The following OR10H5 variants were observed in gnomAD, a reference collection of about 807,000 sequenced individuals.
The protein encoded by OR10H5 is olfactory receptor family 10 subfamily H member 5.
In OR10H5, 7 loss-of-function variants were observed where a neutral mutation model predicts 12.2. That is an observed-to-expected ratio of 0.57 (90% CI 0.33 to 1.07). The LOEUF is 1.07. Among genes scored for constraint, OR10H5 ranks in the 50% least tolerant of loss-of-function variants. The pLI is 0.04. For synonymous variants in OR10H5, 159 were observed against 175.1 expected, an observed-to-expected ratio of 0.91 and a Z score of 0.73; for missense variants, 346 against 411.6, an observed-to-expected ratio of 0.84 and a Z score of 1.38.
chr19:15,794,657 G>A lies in OR10H5; in HGVS notation c.609G>A (p.Val203=). Residue 203 remains valine (V), a synonymous_variant, in exon 2 of 2, where the codon GTG becomes GTA. Transcript: ENST00000642092. ...TGGTGGCCAAAGGCGTGGGCTTGGTGTGTATCACGGCCCTGCTGGGCTGTT... is the reference window on the plus strand; with the variant it reads ...TGGTGGCCAAAGGCGTGGGCTTGGTATGTATCACGGCCCTGCTGGGCTGTT... ...VLVVAKGVGL[V]CITALLGCFL... 1 of 1,614,174 alleles carries A rather than the reference G, an allele frequency of 6.2e-7. No homozygotes were observed.
In OR10H5 at chr19:15,795,117, T is replaced by C. The variant is rs1450922590; in HGVS notation, c.*121T>C. On this transcript the variant is annotated 3_prime_UTR_variant, in exon 2 of 2. Coordinates refer to ENST00000642092, the MANE Select transcript of OR10H5 (RefSeq NM_001004466.2). ...TCCCTCCCTTCCTTCCTTCTTTCCT[T>C]CCTCCCTCCCTCCTTTCCTCCCTCC... 4.8e-6 allele frequency: 4 copies of C among 831,044 alleles called. No individual in the cohort carries two copies. The highest frequency in any genetic ancestry group is 2.0e-5 in the African/African-American group (1 of 49,052). 51.5% of individuals were successfully genotyped at this position (831,044 alleles called of 1,614,324 possible).
chr19:15,789,165 G>T (rs1362943092), intron 1 of OR10H5, among the ~76,000 whole-genome samples: 2 of 152,162 alleles, frequency 1.3e-5, no homozygotes, highest in African/African-American at 2.4e-5. Context: ...ACATGGAATG[G>T]CTGTGTGTCT....
rs540780228 is a variant in OR10H5 at position 15,799,720 on chromosome 19, A to G, written c.*4724A>G. Reference sequence around the variant, plus strand: ...CTTTTTTTTTTTTTGAGAGAGAGAGAGAGAGAGAAATAAGATCTCACTCTG... The same window carrying G: ...CTTTTTTTTTTTTTGAGAGAGAGAGGGAGAGAGAAATAAGATCTCACTCTG... On this transcript the variant is annotated 3_prime_UTR_variant, in exon 2 of 2. Transcript: ENST00000642092. The G allele has an allele frequency of 1.1e-3, 159 of 148,988 alleles. No homozygotes were observed. Among genetic ancestry groups the G allele is most frequent in the African/African-American group, 3.8e-3 (153 of 40,354 alleles). The allele number at this position is 148,988 out of a possible 1,614,324, so 9.2% of individuals were successfully genotyped here. A position where few individuals can be genotyped will look rare whatever the true frequency, so the allele number is the denominator to read the frequency against.
At position 15,794,312 on chromosome 19, in the gene OR10H5, C is replaced by A. The variant is rs962020632; in HGVS notation, c.264C>A (p.Thr88=). Residue 88 remains threonine, a synonymous_variant, in exon 2 of 2, where the codon ACC becomes ACA. Coordinates refer to ENST00000642092, the MANE Select transcript of OR10H5 (RefSeq NM_001004466.2). ...GCATGCTGGCCGACCTGCTGTCCAC[C>A]CAGCGCTCCATCGCCTTCCTGGCCT... The part of the protein sequence containing the change: ...IPRMLADLLS[T]QRSIAFLACA... The A allele has an allele frequency of 6.2e-7, 1 of 1,614,146 alleles. No individual in the cohort carries two copies. The highest frequency in any genetic ancestry group is 8.5e-7 in the Non-Finnish European group (1 of 1,180,006).
rs1429511688 is a variant in OR10H5, at chr19:15,796,657, G to C, written c.*1661G>C. 6.6e-6 allele frequency: 1 copy of C among 152,182 alleles called. No individual in the cohort carries two copies. Among genetic ancestry groups the C allele is most frequent in the Admixed American group, 6.6e-5 (1 of 15,266 alleles). 9.4% of individuals were successfully genotyped at this position (152,182 alleles called of 1,614,324 possible). A position where few individuals can be genotyped will look rare whatever the true frequency, so the allele number is the denominator to read the frequency against. ...TGTAGTACCAGCTACTCAAGAGGCT[G>C]AGGTGGGAGGATCACTTGAGCCCAG... On this transcript the variant is annotated 3_prime_UTR_variant, in exon 2 of 2. Coordinates refer to ENST00000642092, the MANE Select transcript of OR10H5 (RefSeq NM_001004466.2).
At chr19:15,788,730 C>A (rs2088795812) in intron 1 of OR10H5, among the ~76,000 whole-genome samples, 1 of 152,046 alleles carries the variant, frequency 6.6e-6, no homozygotes, top group Admixed American at 6.6e-5. Context: ...TTCAAGCAAT[C>A]CCCCGCCCCA....
At chr19:15,788,655 G>A (rs142374696) in intron 1 of OR10H5, among the ~76,000 whole-genome samples, 256 of 151,994 alleles carry the variant, frequency 1.7e-3, no homozygotes, top group African/African-American at 5.8e-3. Context: ...ACAGCACCAC[G>A]CCCAGCTAAT....
In OR10H5 at chr19:15,798,477, C is replaced by G. The variant is rs905506908; in HGVS notation, c.*3481C>G. On this transcript the variant is annotated 3_prime_UTR_variant, in exon 2 of 2. Coordinates refer to ENST00000642092, the MANE Select transcript of OR10H5 (RefSeq NM_001004466.2). The stretch of plus-strand genomic sequence containing the variant: ...GGTATCCCCAAGGCAGGACCAGAGC[C>G]CAGAGAGGTGATTAAGGGGCAGGAG... 2 of 152,158 alleles carry G rather than the reference C, an allele frequency of 1.3e-5. No homozygotes were observed. Among genetic ancestry groups the G allele is most frequent in the African/African-American group, 4.8e-5 (2 of 41,418 alleles). 9.4% of individuals were successfully genotyped at this position (152,158 alleles called of 1,614,324 possible). A position where few individuals can be genotyped will look rare whatever the true frequency, so the allele number is the denominator to read the frequency against.
intron 1 of OR10H5, among the ~76,000 whole-genome samples, chr19:15,791,002 A>G (rs1273441189): frequency 6.6e-6 from 1 of 152,128 alleles, no homozygotes; most frequent in African/African-American, 2.4e-5. Context: ...AGAGGCTGGG[A>G]AGGGTAGGCA....
At chr19:15,792,702 G>GGAGGAGTT (rs2088814725) in intron 1 of OR10H5, among the ~76,000 whole-genome samples, 1 of 152,064 alleles carries the variant, frequency 6.6e-6, no homozygotes, top group South Asian at 2.1e-4. Context: ...CTGACCTCAA[G>GGAGGAGTT]TGATCCACCC....
At position 15,794,081 on chromosome 19, in the gene OR10H5, A is replaced by C. The variant is rs142998354; in HGVS notation, c.33A>C (p.Glu11Asp). The C allele has an allele frequency of 2.9e-4, 471 of 1,613,730 alleles. No homozygotes were observed. In the African/African-American group the frequency reaches 5.5e-3, roughly 19 times the overall value. ...GGCTAAACCACACCTCCGTGTCTGA[A>C]TTCATCCTCGTTGGCTTCTCTGCCT... The part of the protein sequence containing the change: MQGLNHTSVS[E>D]FILVGFSAFP... Residue 11 changes from glutamate (E) to aspartate (D), a missense_variant, in exon 2 of 2, where the codon GAA becomes GAC. Physicochemically the swap from Glu to Asp is conservative, Grantham distance 45 (BLOSUM62 2). Coordinates refer to ENST00000642092, the MANE Select transcript of OR10H5 (RefSeq NM_001004466.2).
Position 15,794,064 on chromosome 19 carries a change from C to T in OR10H5, c.16C>T (p.His6Tyr). 6.2e-7 allele frequency: 1 copy of T among 1,613,538 alleles called. No individual in the cohort carries two copies. Residue 6 changes from histidine to tyrosine, a missense_variant, in exon 2 of 2, where the codon CAC becomes TAC. By Grantham distance (83) the His-to-Tyr change is moderately conservative (BLOSUM62 2). Coordinates refer to ENST00000642092, the MANE Select transcript of OR10H5 (RefSeq NM_001004466.2). MQGLN[H>Y]TSVSEFILVG... The stretch of plus-strand genomic sequence containing the variant: ...GGTGGCCGCCATGCAGGGGCTAAAC[C>T]ACACCTCCGTGTCTGAATTCATCCT...
chr19:15,791,215 G>A (rs1047407186), intron 1 of OR10H5, among the ~76,000 whole-genome samples: 1 of 151,928 alleles, frequency 6.6e-6, no homozygotes, highest in African/African-American at 2.4e-5. Context: ...GTGTGGTGGC[G>A]GGCACCTGTA....
rs1473656810 is a variant in OR10H5 at position 15,797,897 on chromosome 19, A to G, written c.*2901A>G. On this transcript the variant is annotated 3_prime_UTR_variant, in exon 2 of 2. Transcript: ENST00000642092. The stretch of plus-strand genomic sequence containing the variant: ...ACCCTGTGTCTACTAAAAATACAAA[A>G]ATTAGCTGGGTGTGGTGTGCGTGTG... 6.6e-6 allele frequency: 1 copy of G among 151,758 alleles called. No homozygotes were observed. The highest frequency in any genetic ancestry group is 1.5e-5 in the Non-Finnish European group (1 of 67,960). 9.4% of individuals were successfully genotyped at this position (151,758 alleles called of 1,614,324 possible). A position where few individuals can be genotyped will look rare whatever the true frequency, so the allele number is the denominator to read the frequency against.
intron 1 of OR10H5, among the ~76,000 whole-genome samples, chr19:15,792,746 G>T (rs898663223): frequency 1.3e-5 from 2 of 152,166 alleles, no homozygotes; most frequent in Non-Finnish European, 2.9e-5. Context: ...GATTACAGGA[G>T]TGAGCTACTG....
At position 15,792,632 on chromosome 19, in the gene OR10H5, A is replaced by G. The variant is rs117901824; in HGVS notation, c.-11-1406A>G. On this transcript the variant is annotated intron_variant, in intron 1 of 1. Transcript: ENST00000642092. ...AGGTGCATGTCACCATGCCCAGGTAATTTTTGTGCTTTTAGTAGGGACGGG... is the reference window on the plus strand; with the variant it reads ...AGGTGCATGTCACCATGCCCAGGTAGTTTTTGTGCTTTTAGTAGGGACGGG... Among the ~76,000 whole-genome samples the G allele has an allele frequency of 1.1e-3, 162 of 152,032 alleles. No homozygotes were observed. The East Asian group carries it at 0.029, about 27-fold the overall frequency.
Position 15,794,645 on chromosome 19 carries a change from C to T in OR10H5, c.597C>T (p.Gly199=), listed in dbSNP as rs138032697. The part of the protein sequence containing the change: ...CGDDVLVVAK[G]VGLVCITALL... ...ATGATGTGCTGGTGGTGGCCAAAGGCGTGGGCTTGGTGTGTATCACGGCCC... is the reference window on the plus strand; with the variant it reads ...ATGATGTGCTGGTGGTGGCCAAAGGTGTGGGCTTGGTGTGTATCACGGCCC... The change falls in exon 2 of 2, where the codon GGC becomes GGT. Residue 199 remains glycine (G), a synonymous_variant. Coordinates refer to ENST00000642092, the MANE Select transcript of OR10H5 (RefSeq NM_001004466.2). 2.9e-4 allele frequency: 466 copies of T among 1,614,052 alleles called. 1 individual carries two copies. Among genetic ancestry groups the T allele is most frequent in the Admixed American group, 2.3e-4 (14 of 59,984 alleles).
intron 1 of OR10H5, among the ~76,000 whole-genome samples, chr19:15,791,767 A>T (rs1336859663): frequency 4.0e-5 from 6 of 150,578 alleles, no homozygotes; most frequent in Non-Finnish European, 8.9e-5. Flanking sequence ...ATCTCGGCTC[A>T]CTGCAAGCTC....
chr19:15,794,127 C>A lies in OR10H5; in HGVS notation c.79C>A (p.Leu27Ile). 1 of 1,614,164 alleles carries A rather than the reference C, an allele frequency of 6.2e-7. No individual in the cohort carries two copies. Among genetic ancestry groups the A allele is most frequent in the Non-Finnish European group, 8.5e-7 (1 of 1,180,032 alleles). Residue 27 changes from leucine (L) to isoleucine (I), a missense_variant, in exon 2 of 2, where the codon CTC (leucine) becomes ATC (isoleucine). Physicochemically the swap from Leu to Ile is conservative, Grantham distance 5. Transcript: ENST00000642092. ...FSAFPHLQLM[L>I]FLLFLLMYLF... is the part of the protein sequence containing the mutation. ...TGCCTTCCCCCACCTCCAGCTGATG[C>A]TCTTCCTGCTGTTCCTGCTGATGTA... is the stretch of plus-strand genomic sequence containing the variant.
Sources: allele counts gnomAD v4.1 joint callset (sites outside exome capture counted in the v4.1 genomes callset), GRCh38; gene constraint gnomAD v4.1.1; transcripts MANE v1.5; gene names NCBI Gene and HGNC (gene_info 2026-07-23, HGNC 2026-07-21).